Variants in TSPAN17 observed in about 807,000 individuals in gnomAD.
The protein encoded by TSPAN17 is tetraspanin 17, also known as tetraspanin-17.
A neutral mutation model predicts 40.5 loss-of-function variants in TSPAN17; 33 were observed. The ratio of observed to expected loss-of-function variants is 0.81; its 90% CI spans 0.62 to 1.09. The LOEUF (loss-of-function observed/expected upper bound fraction) is 1.09, where lower values mean the gene tolerates loss of function less well. Among genes scored for constraint, TSPAN17 ranks in the 50% least tolerant of loss-of-function variants. TSPAN17 has a pLI of 0.00. For missense variants in TSPAN17, 365 were observed against 416.8 expected (o/e 0.88, Z 1.08); for synonymous variants, 166 against 169.4 (o/e 0.98, Z 0.15).
In TSPAN17 at chr5:176,655,426, G is replaced by A. The variant is rs187008217; in HGVS notation, c.582+406G>A. Among the ~76,000 whole-genome samples, 313 of 152,308 alleles carry A rather than the reference G, an allele frequency of 2.1e-3. 2 individuals carry two copies. Among genetic ancestry groups the A allele is most frequent in the African/African-American group, 7.3e-3 (302 of 41,570 alleles). On this transcript the variant is annotated intron_variant, in intron 5 of 8. Transcript: ENST00000508164. ...CCAGCCAGCACCCCACTGGGCCACC[G>A]TTGCAGGGTAGCAGGGAGTGGGGAC...
chr5:176,652,091 T>G (rs539192770), intron 3 of TSPAN17, among the ~76,000 whole-genome samples, 191 bp downstream of exon 3: 13 of 152,306 alleles, frequency 8.5e-5, no homozygotes, highest in African/African-American at 3.1e-4. Context: ...GGCCCAAGCA[T>G]AAAATATTTA....
rs747511389 is a variant in TSPAN17 at position 176,656,889 on chromosome 5, T to G, written c.748-6T>G. 5.6e-6 allele frequency: 9 copies of G among 1,614,076 alleles called. No individual in the cohort carries two copies. The highest frequency in any genetic ancestry group is 5.9e-6 in the Non-Finnish European group (7 of 1,180,032). On this transcript the variant is annotated splice_polypyrimidine_tract_variant and splice_region_variant and intron_variant, in intron 7 of 8. Transcript: ENST00000508164. ...ACTCTCCCCTCACCTGTCCTCTGTC[T>G]TACAGATCTTTGGCATCTGCCTGGC...
chr5:176,647,753 G>A (rs1012853499), intron 1 of TSPAN17, 51 bp downstream of exon 1: 2 of 1,505,422 alleles, frequency 1.3e-6, no homozygotes, highest in Non-Finnish European at 1.8e-6. Context: ...GTGGGAGAGG[G>A]AGATTCAGTC....
intron 1 of TSPAN17, among the ~76,000 whole-genome samples, chr5:176,648,876 GAC>G (rs2113459092): frequency 6.6e-6 from 1 of 152,334 alleles, no homozygotes; most frequent in South Asian, 2.1e-4. Context: ...TGAAGGAATA[GAC>G]ACAGAGAAAT....
In TSPAN17 at chr5:176,652,967, G is replaced by A; in HGVS notation, c.456+54G>A. The stretch of plus-strand genomic sequence containing the variant: ...TGTAGGAGGCGCCTTCCTGGCAGAC[G>A]AATGAGGGAGCAAGTTCCCTGTGAT... On this transcript the variant is annotated intron_variant, in intron 4 of 8. Transcript: ENST00000508164. 9 of 1,584,482 alleles carry A rather than the reference G, an allele frequency of 5.7e-6. 1 individual carries two copies. The highest frequency in any genetic ancestry group is 4.5e-5 in the South Asian group (4 of 89,344).
rs1561589725 is a variant in TSPAN17 at position 176,657,622 on chromosome 5, G to GC, written c.917dup (p.Ala307GlyfsTer17). ...CAGAACTCTCTGACTGGGGCCCCTG[G>GC]CCCGGCCCCACCCAGCCGACATGTT... is the stretch of plus-strand genomic sequence containing the variant. On this transcript the variant is annotated frameshift_variant, in exon 9 of 9. Coordinates refer to ENST00000508164, the MANE Select transcript of TSPAN17 (RefSeq NM_130465.5). LOFTEE classifies it low-confidence loss of function (END_TRUNC). The GC allele has an allele frequency of 1.2e-6, 2 of 1,613,516 alleles. No individual in the cohort carries two copies. Among genetic ancestry groups the GC allele is most frequent in the Non-Finnish European group, 8.5e-7 (1 of 1,179,892 alleles).
chr5:176,651,552 A>C lies in TSPAN17; in HGVS notation c.88-64A>C. 1 of 1,531,482 alleles carries C rather than the reference A, an allele frequency of 6.5e-7. No homozygotes were observed. Among genetic ancestry groups the C allele is most frequent in the African/African-American group, 1.4e-5 (1 of 72,382 alleles). 94.9% of individuals were successfully genotyped at this position (1,531,482 alleles called of 1,614,324 possible). ...CTGGAAAGGCCCTGGCTACCGGGGAAGGATGAGGGGGGAGGGTCCTGGGGC... is the reference window on the plus strand; with the variant it reads ...CTGGAAAGGCCCTGGCTACCGGGGACGGATGAGGGGGGAGGGTCCTGGGGC... On this transcript the variant is annotated intron_variant, in intron 1 of 8. Coordinates refer to ENST00000508164, the MANE Select transcript of TSPAN17 (RefSeq NM_130465.5). The surrounding 1 kb of genome is among the most constrained non-coding windows in gnomAD (Gnocchi z 4.5).
At chr5:176,649,169 C>T (rs1238332459) in intron 1 of TSPAN17, among the ~76,000 whole-genome samples, 2 of 151,748 alleles carry the variant, frequency 1.3e-5, no homozygotes, top group Non-Finnish European at 2.9e-5. Flanking sequence ...GGGGCAGGGC[C>T]TGGAGGTTTG....
In TSPAN17 at chr5:176,651,630, G is replaced by A. The variant is rs1760966692; in HGVS notation, c.102G>A (p.Leu34=). 6.2e-7 allele frequency: 1 copy of A among 1,613,742 alleles called. No individual in the cohort carries two copies. The highest frequency in any genetic ancestry group is 8.5e-7 in the Non-Finnish European group (1 of 1,179,766). ...TGCCCTTGCAGGTGCTGGGAGCCCT[G>A]TTCCTGGCTATCGGCCTCTGGGCCT... ...FNIVFWVLGA[L]FLAIGLWAWG... The change falls in exon 2 of 9, where the codon CTG becomes CTA. Residue 34 remains leucine (L), a synonymous_variant. Coordinates refer to ENST00000508164, the MANE Select transcript of TSPAN17 (RefSeq NM_130465.5). The surrounding 1 kb of genome is among the most constrained non-coding windows in gnomAD (Gnocchi z 4.5).
At chr5:176,649,343 A>G (rs1327782107) in intron 1 of TSPAN17, among the ~76,000 whole-genome samples, 2 of 151,972 alleles carry the variant, frequency 1.3e-5, no homozygotes, top group African/African-American at 2.4e-5. Context: ...TGCTTGTGGA[A>G]CAGGCACAGA....
At chr5:176,652,320 C>T (rs1309907552) in intron 3 of TSPAN17, among the ~76,000 whole-genome samples, 5 of 152,172 alleles carry the variant, frequency 3.3e-5, no homozygotes, top group Admixed American at 1.3e-4. Context: ...CAACCGTTTT[C>T]CCAAAGTGCT....
Position 176,656,743 on chromosome 5 carries a change from G to C in TSPAN17, c.674G>C (p.Gly225Ala). The change falls in exon 7 of 9, where the codon GGC becomes GCC. Residue 225 changes from glycine to alanine, a missense_variant. By Grantham distance (60) the Gly-to-Ala change is moderately conservative. Coordinates refer to ENST00000508164, the MANE Select transcript of TSPAN17 (RefSeq NM_130465.5). ...QGFIHTKGCV[G>A]QFEKWLQDNL... is the part of the protein sequence containing the mutation. Reference sequence around the variant, plus strand: ...TTCATCCACACCAAAGGCTGCGTGGGCCAGTTTGAGAAGTGGCTGCAGGAC... The same window carrying C: ...TTCATCCACACCAAAGGCTGCGTGGCCCAGTTTGAGAAGTGGCTGCAGGAC... 1 of 1,614,180 alleles carries C rather than the reference G, an allele frequency of 6.2e-7. No homozygotes were observed. Among genetic ancestry groups the C allele is most frequent in the Non-Finnish European group, 8.5e-7 (1 of 1,180,006 alleles).
Position 176,656,819 on chromosome 5 carries a change from A to C in TSPAN17, c.747+3A>C. ...TCATGGGCATCGCCCTCCTCCAGGTACCCTTGTGGCCCCACGTGCCCCTCC... is the reference window on the plus strand; with the variant it reads ...TCATGGGCATCGCCCTCCTCCAGGTCCCCTTGTGGCCCCACGTGCCCCTCC... On this transcript the variant is annotated splice_donor_region_variant and intron_variant, in intron 7 of 8. Transcript: ENST00000508164. The C allele has an allele frequency of 6.2e-7, 1 of 1,614,032 alleles. No individual in the cohort carries two copies. The highest frequency in any genetic ancestry group is 8.5e-7 in the Non-Finnish European group (1 of 1,179,952).
In TSPAN17 at chr5:176,652,913, C is replaced by T. The variant is rs150117488; in HGVS notation, c.456C>T (p.Tyr152=). ...LQNLIDFAQE[Y]WSCCGARGPN... is the part of the protein sequence containing the mutation. The stretch of plus-strand genomic sequence containing the variant: ...ACCTCATTGACTTTGCTCAGGAATA[C>T]GTGAGTCCAGTGTCCAGCCTGGGAC... Residue 152 remains tyrosine (Y), a splice_region_variant and synonymous_variant, in exon 4 of 9, where the codon TAC becomes TAT. Transcript: ENST00000508164. 1.1e-4 allele frequency: 171 copies of T among 1,614,024 alleles called. 1 individual carries two copies. The African/African-American group carries it at 1.8e-3, about 17-fold the overall frequency.
rs1760953733 is a variant in TSPAN17, at chr5:176,651,281, A to AG, written c.88-334dup. Among the ~76,000 whole-genome samples, 2 of 151,986 alleles carry AG rather than the reference A, an allele frequency of 1.3e-5. No homozygotes were observed. Among genetic ancestry groups the AG allele is most frequent in the African/African-American group, 4.8e-5 (2 of 41,354 alleles). On this transcript the variant is annotated intron_variant, in intron 1 of 8. Coordinates refer to ENST00000508164, the MANE Select transcript of TSPAN17 (RefSeq NM_130465.5). This position sits in a 1 kb window ranked among gnomAD's most constrained non-coding sequence, Gnocchi z 4.5. ...CAGCTTCGGTCAGGTGTAGAGGCTC[A>AG]GTATACTGGCGCCGTCGCTACCCCC...
intron 5 of TSPAN17, 147 bp downstream of exon 5, chr5:176,655,167 G>T (rs895661305): frequency 3.9e-6 from 4 of 1,030,596 alleles, no homozygotes; most frequent in African/African-American, 3.2e-5. Flanking sequence ...ACTGAGGCCT[G>T]TTGGGGCGCG....
In TSPAN17 at chr5:176,647,576, TC is replaced by T. The variant is rs1317262234; in HGVS notation, c.-37del. ...CGGCCCGCGGGGCGCTGGGCCTGGCTCCCGGCTCCGGTTTCCGGGCCGGCGG... is the reference window on the plus strand; with the variant it reads ...CGGCCCGCGGGGCGCTGGGCCTGGCTCCGGCTCCGGTTTCCGGGCCGGCGG... On this transcript the variant is annotated 5_prime_UTR_variant, in exon 1 of 9. Transcript: ENST00000508164. 10 of 1,539,602 alleles carry T rather than the reference TC, an allele frequency of 6.5e-6. No homozygotes were observed. Among genetic ancestry groups the T allele is most frequent in the Non-Finnish European group, 8.7e-6 (10 of 1,144,524 alleles).
intron 1 of TSPAN17, among the ~76,000 whole-genome samples, chr5:176,649,377 A>G (rs147174148): frequency 2.2e-4 from 33 of 152,062 alleles, no homozygotes; most frequent in African/African-American, 7.2e-4. Flanking sequence ...AATGTCAGGC[A>G]GACCCTGGTG....
chr5:176,657,328 C>T, intron 8 of TSPAN17, 190 bp from the exon 9 acceptor site: 2 of 1,047,358 alleles, frequency 1.9e-6, no homozygotes, highest in Non-Finnish European at 2.7e-6. Flanking sequence ...TTCCCTGCCC[C>T]CCAGTGCTGG....
Sources: gnomAD v4.1 joint callset for allele counts (sites outside exome capture counted in the v4.1 genomes callset) on GRCh38, gnomAD v4.1.1 for gene constraint, Gnocchi (gnomAD v3.1) non-coding constraint, MANE v1.5 for transcripts, NCBI Gene and HGNC (gene_info 2026-07-23, HGNC 2026-07-21) for gene names.